The following HAPSTR1 variants were observed in gnomAD, a reference collection of about 807,000 sequenced individuals.
HAPSTR1 encodes HUWE1-associated protein modifying stress responses 1.
the HAPSTR1 span, among the ~76,000 whole-genome samples, chr16:9,095,881 T>C: frequency 9.2e-6 from 1 of 108,564 alleles, no homozygotes; most frequent in Admixed American, 8.3e-5. Context: ...GCCAAAATAC[T>C]GACTGCTGGT....
At chr16:9,096,972 C>G in the HAPSTR1 span, among the ~76,000 whole-genome samples, 3 of 152,052 alleles carry the variant, frequency 2.0e-5, 1 homozygote, top group Admixed American at 1.3e-4. Flanking sequence ...GACGAAGTCT[C>G]GCTCTTGTCC....
chr16:9,097,694 C>T, the HAPSTR1 span, among the ~76,000 whole-genome samples: 1 of 152,230 alleles, frequency 6.6e-6, no homozygotes, highest in Non-Finnish European at 1.5e-5. Flanking sequence ...CTGCTCTGTT[C>T]TCCCCTGTGT....
the HAPSTR1 span, chr16:9,105,005 A>G: frequency 3.9e-5 from 6 of 152,350 alleles, no homozygotes; most frequent in Admixed American, 3.9e-4. Context: ...TAAGAAACAT[A>G]AAAACCATGC....
the HAPSTR1 span, among the ~76,000 whole-genome samples, chr16:9,100,327 G>C: frequency 6.6e-6 from 1 of 152,160 alleles, no homozygotes; most frequent in Non-Finnish European, 1.5e-5. Flanking sequence ...AATCTGTGAT[G>C]AAACCATTAG....
the HAPSTR1 span, among the ~76,000 whole-genome samples, chr16:9,093,164 G>A: frequency 4.6e-5 from 7 of 152,160 alleles, no homozygotes; most frequent in South Asian, 6.2e-4. Flanking sequence ...TCCACCGGAG[G>A]CGATTTTGAC....
the HAPSTR1 span, among the ~76,000 whole-genome samples, chr16:9,102,302 T>A: frequency 5.3e-5 from 1 of 18,850 alleles, no homozygotes; most frequent in South Asian, 8.3e-4. Context: ...ATTTTCAAAT[T>A]TTTTTTCAAC....
the HAPSTR1 span, chr16:9,105,637 G>A: frequency 6.6e-6 from 1 of 151,566 alleles, no homozygotes; most frequent in East Asian, 1.9e-4. Context: ...CTTTTAAAAT[G>A]TATTTGGAAA....
chr16:9,091,991 C>G, the HAPSTR1 span: 1 of 1,422,602 alleles, frequency 7.0e-7, no homozygotes. Context: ...GCGGGGGCCC[C>G]GCCTGAGGAG....
At chr16:9,108,675 A>T in the HAPSTR1 span, 1 of 152,138 alleles carries the variant, frequency 6.6e-6, no homozygotes, top group Non-Finnish European at 1.5e-5. Flanking sequence ...CCATAAGCTA[A>T]TCGGGATTAG....
At chr16:9,106,803 A>G in the HAPSTR1 span, 2 of 152,020 alleles carry the variant, frequency 1.3e-5, no homozygotes, top group Non-Finnish European at 2.9e-5. Flanking sequence ...TAATAATGTT[A>G]TAAAATAACA....
chr16:9,117,064 G>A, the HAPSTR1 span: 2 of 1,115,712 alleles, frequency 1.8e-6, no homozygotes, highest in Non-Finnish European at 2.5e-6. Flanking sequence ...GGAAGTTCTA[G>A]GTATTTATAG....
the HAPSTR1 span, chr16:9,092,319 G>A: frequency 7.0e-7 from 1 of 1,421,076 alleles, no homozygotes; most frequent in Non-Finnish European, 9.2e-7. Context: ...CCCCGCCCGG[G>A]CCCGGCCCCG....
chr16:9,094,331 C>T, the HAPSTR1 span, among the ~76,000 whole-genome samples: 1 of 152,084 alleles, frequency 6.6e-6, no homozygotes, highest in Admixed American at 6.5e-5. Context: ...GAGTAAATTG[C>T]TTCAACATCT....
the HAPSTR1 span, among the ~76,000 whole-genome samples, chr16:9,100,595 G>A: frequency 2.6e-5 from 4 of 152,068 alleles, no homozygotes; most frequent in Admixed American, 2.0e-4. Flanking sequence ...GTGAAGTGGC[G>A]CATTCTTGGC....
the HAPSTR1 span, among the ~76,000 whole-genome samples, chr16:9,102,270 A>ACT: frequency 1.3e-5 from 2 of 149,772 alleles, no homozygotes; most frequent in African/African-American, 5.0e-5. Flanking sequence ...AGCTCAATTA[A>ACT]AACTAAATAA....
At chr16:9,112,471 C>T in the HAPSTR1 span, 1 of 152,288 alleles carries the variant, frequency 6.6e-6, no homozygotes, top group Non-Finnish European at 1.5e-5. Context: ...GGCTAGCTGC[C>T]TTGCCTTCCC....
chr16:9,097,923 G>A, the HAPSTR1 span, among the ~76,000 whole-genome samples: 1 of 152,240 alleles, frequency 6.6e-6, no homozygotes, highest in Non-Finnish European at 1.5e-5. Context: ...TTGAGCAAAT[G>A]TGGAGGGAGC....
At chr16:9,092,848 T>G in the HAPSTR1 span, 97 of 1,346,984 alleles carry the variant, frequency 7.2e-5, no homozygotes, top group Non-Finnish European at 9.3e-5. Flanking sequence ...AACATTCTTG[T>G]TCTCTTTCTT....
the HAPSTR1 span, among the ~76,000 whole-genome samples, chr16:9,096,535 C>T: frequency 6.6e-6 from 1 of 152,138 alleles, no homozygotes; most frequent in Admixed American, 6.5e-5. Context: ...ATTTTGGACT[C>T]GTACACTAAA....
Sources: gnomAD v4.1 joint callset for allele counts (sites outside exome capture counted in the v4.1 genomes callset) on GRCh38, gnomAD v4.1.1 for gene constraint, MANE v1.5 for transcripts, NCBI Gene and HGNC (gene_info 2026-07-23, HGNC 2026-07-21) for gene names.